DLG2: variants seen among roughly 807,000 people sequenced by gnomAD.
DLG2 encodes discs large MAGUK scaffold protein 2, also known as disks large homolog 2.
A neutral mutation model predicts 132.5 loss-of-function variants in DLG2; 45 were observed. That is an observed-to-expected ratio of 0.34 (90% CI 0.27 to 0.44). The LOEUF (loss-of-function observed/expected upper bound fraction) is 0.44. Among genes scored for constraint, DLG2 ranks in the 20% least tolerant of loss-of-function variants. The pLI, the probability that DLG2 is intolerant of heterozygous loss-of-function variation, is 1.00. For missense variants in DLG2, 1,045 were observed against 1,196.9 expected, an observed-to-expected ratio of 0.87 and a Z score of 1.87; for synonymous variants, 424 against 419.6, an observed-to-expected ratio of 1.01 and a Z score of -0.13.
At chr11:84,644,637 C>CG (rs1340978540) in intron 6 of DLG2, among the ~76,000 whole-genome samples, 2 of 150,306 alleles carry the variant, frequency 1.3e-5, no homozygotes, top group Non-Finnish European at 2.9e-5. Context: ...ACTCTGGAGG[C>CG]GCAGCTTGCA....
chr11:84,732,707 G>A (rs1291543905), intron 6 of DLG2, among the ~76,000 whole-genome samples: 3 of 151,740 alleles, frequency 2.0e-5, no homozygotes, highest in East Asian at 1.9e-4. Context: ...AGGTTGTTAT[G>A]TATGTATACA....
chr11:84,804,455 C>A (rs1480148051), intron 6 of DLG2, among the ~76,000 whole-genome samples: 1 of 152,132 alleles, frequency 6.6e-6, no homozygotes, highest in Non-Finnish European at 1.5e-5. Context: ...AATAAAACCC[C>A]TGGGCATTAT....
At chr11:84,602,479 C>A (rs1309236342) in intron 6 of DLG2, among the ~76,000 whole-genome samples, 2 of 151,910 alleles carry the variant, frequency 1.3e-5, no homozygotes, top group Non-Finnish European at 2.9e-5. Flanking sequence ...AAGAAAGAGA[C>A]AAAAGCTTGA....
At chr11:85,551,536 TTATAAC>T (rs1291314494) in intron 3 of DLG2, among the ~76,000 whole-genome samples, 1 of 152,006 alleles carries the variant, frequency 6.6e-6, no homozygotes, top group Non-Finnish European at 1.5e-5. Context: ...TATAACTCCT[TTATAAC>T]TATTAAATTA....
chr11:85,397,492 T>G (rs1025460870), intron 3 of DLG2, among the ~76,000 whole-genome samples: 1 of 152,230 alleles, frequency 6.6e-6, no homozygotes, highest in East Asian at 1.9e-4. Flanking sequence ...GCAAATTGGA[T>G]AAAGAATCAA....
intron 2 of DLG2, among the ~76,000 whole-genome samples, chr11:85,618,757 G>A (rs887424601): frequency 2.0e-5 from 3 of 152,134 alleles, no homozygotes; most frequent in African/African-American, 7.2e-5. Flanking sequence ...AGAAAAAGTT[G>A]AAGTTTTTTA....
intron 4 of DLG2, among the ~76,000 whole-genome samples, chr11:85,271,893 G>T (rs1449152059): frequency 3.9e-5 from 6 of 152,174 alleles, no homozygotes; most frequent in Non-Finnish European, 8.8e-5. Flanking sequence ...TGAAACTTTG[G>T]ACTGTGTACT....
chr11:85,576,028 AT>A (rs2078136847), intron 3 of DLG2, among the ~76,000 whole-genome samples: 1 of 152,224 alleles, frequency 6.6e-6, no homozygotes, highest in African/African-American at 2.4e-5. Flanking sequence ...ATAGTTTTAC[AT>A]TTGTTGAGAC....
chr11:85,468,905 G>A (rs112359393), intron 3 of DLG2, among the ~76,000 whole-genome samples: 1,584 of 152,146 alleles, frequency 0.01, 27 homozygotes, highest in African/African-American at 0.036. Context: ...CAATTCTTCC[G>A]CCTTGGCCTC....
rs566016799 is a variant in DLG2 at position 85,176,971 on chromosome 11, G to A, written c.187-22320C>T. 2.6e-5 allele frequency among the ~76,000 whole-genome samples: 4 copies of A among 152,200 alleles called. No homozygotes were observed. In the South Asian group the frequency reaches 8.3e-4, roughly 32 times the overall value. Reference sequence around the variant, plus strand: ...TCAAGAAACAACAGATGCTGGCTTGGTTGTGGAGAAAAAGGGATACTTTAC... The same window carrying A: ...TCAAGAAACAACAGATGCTGGCTTGATTGTGGAGAAAAAGGGATACTTTAC... On this transcript the variant is annotated intron_variant, in intron 4 of 27. Coordinates refer to ENST00000376104, the MANE Select transcript of DLG2 (RefSeq NM_001142699.3).
chr11:84,317,809 T>C (rs1212880510), intron 7 of DLG2, among the ~76,000 whole-genome samples: 1 of 152,224 alleles, frequency 6.6e-6, no homozygotes, highest in Non-Finnish European at 1.5e-5. Context: ...TAAATTCATT[T>C]GGAAAAATCA....
chr11:85,559,230 C>T (rs1037922110), intron 3 of DLG2, among the ~76,000 whole-genome samples: 1 of 150,590 alleles, frequency 6.6e-6, no homozygotes, highest in South Asian at 2.1e-4. Flanking sequence ...CGGTTCACTG[C>T]AACCTCTGCC....
intron 9 of DLG2, among the ~76,000 whole-genome samples, chr11:84,134,395 T>C (rs1201063488): frequency 6.6e-6 from 1 of 152,120 alleles, no homozygotes; most frequent in Non-Finnish European, 1.5e-5. Flanking sequence ...GGTTAAGAAG[T>C]GCTATTTATT....
chr11:84,463,745 T>C (rs774032465), intron 7 of DLG2, among the ~76,000 whole-genome samples: 1 of 151,194 alleles, frequency 6.6e-6, no homozygotes, highest in Non-Finnish European at 1.5e-5. Context: ...AAACAAGGAA[T>C]GTGTGAATGA....
intron 6 of DLG2, among the ~76,000 whole-genome samples, chr11:84,994,599 G>C (rs1159724957): frequency 6.6e-6 from 1 of 152,074 alleles, no homozygotes; most frequent in Non-Finnish European, 1.5e-5. Context: ...TAAAATAAAT[G>C]AAAAAGTAAA....
At chr11:84,735,946 A>T (rs1205801060) in intron 6 of DLG2, among the ~76,000 whole-genome samples, 1 of 151,858 alleles carries the variant, frequency 6.6e-6, no homozygotes, top group Non-Finnish European at 1.5e-5. Flanking sequence ...TTTATGGTTC[A>T]TACTTTTATT....
chr11:84,938,688 A>G (rs2049031401), intron 6 of DLG2, among the ~76,000 whole-genome samples: 1 of 152,222 alleles, frequency 6.6e-6, no homozygotes, highest in Non-Finnish European at 1.5e-5. Flanking sequence ...GGAACAATCC[A>G]CAGCTGGCCA....
At chr11:85,563,677 T>C (rs2077378185) in intron 3 of DLG2, among the ~76,000 whole-genome samples, 1 of 147,358 alleles carries the variant, frequency 6.8e-6, no homozygotes, top group Non-Finnish European at 1.5e-5. Context: ...TGCTGGATAA[T>C]ATTCCTTTAT....
chr11:84,844,728 A>G (rs955870001), intron 6 of DLG2, among the ~76,000 whole-genome samples: 5 of 152,164 alleles, frequency 3.3e-5, no homozygotes, highest in African/African-American at 1.2e-4. Flanking sequence ...GTGTATGCTC[A>G]TTTTAAGTTA....
Sources: allele counts gnomAD v4.1 joint callset (sites outside exome capture counted in the v4.1 genomes callset), GRCh38; gene constraint gnomAD v4.1.1; transcripts MANE v1.5; gene names NCBI Gene and HGNC (gene_info 2026-07-23, HGNC 2026-07-21).